The following CA4 variants were observed in gnomAD, a reference collection of about 807,000 sequenced individuals.
CA4 encodes carbonic anhydrase 4, also known as CA-IV.
In CA4, 24 loss-of-function variants were observed where a neutral mutation model predicts 34.5. The observed-to-expected ratio is 0.70, with a 90% CI of 0.50 to 0.98. The LOEUF is 0.98. Among genes scored for constraint, CA4 ranks in the 50% least tolerant of loss-of-function variants. The pLI is 0.00. For missense variants in CA4, 394 were observed against 396.7 expected (o/e 0.99, Z 0.06); for synonymous variants, 178 against 170.6 (o/e 1.04, Z -0.34).
At chr17:60,151,709 ATG>A (rs1270687352) in intron 1 of CA4, among the ~76,000 whole-genome samples, 1 of 152,152 alleles carries the variant, frequency 6.6e-6, no homozygotes, top group African/African-American at 2.4e-5. Flanking sequence ...AGTGTCAGGA[ATG>A]TGTCTCAGCT....
At chr17:60,158,578 C>A (rs552988459) in intron 7 of CA4, 132 bp downstream of exon 7, 16 of 864,770 alleles carry the variant, frequency 1.9e-5, no homozygotes, top group Non-Finnish European at 2.7e-5. Context: ...TGTTAATCAT[C>A]GACATTCACT....
chr17:60,178,636 T>G, the CA4 span, among the ~76,000 whole-genome samples: 1 of 152,104 alleles, frequency 6.6e-6, no homozygotes, highest in African/African-American at 2.4e-5. Flanking sequence ...CTGCCACCAA[T>G]GACTGGTTGT....
chr17:60,158,622 C>T, intron 7 of CA4, 176 bp downstream of exon 7: 2 of 662,062 alleles, frequency 3.0e-6, no homozygotes, highest in East Asian at 5.5e-5. Flanking sequence ...GCTGTTCCAT[C>T]ACCAGATTGG....
intron 5 of CA4, among the ~76,000 whole-genome samples, chr17:60,169,724 C>T (rs1341391669): frequency 1.3e-5 from 2 of 152,108 alleles, no homozygotes; most frequent in East Asian, 1.9e-4. Flanking sequence ...CTCCTGACCT[C>T]GTGATCCACC....
downstream of CA4, among the ~76,000 whole-genome samples, chr17:60,173,685 A>G (rs1257198315): frequency 2.0e-5 from 3 of 152,230 alleles, no homozygotes; most frequent in Non-Finnish European, 2.9e-5. Context: ...AGTGGTTTCC[A>G]TAAATGACCA....
rs201580764 is a variant in CA4 at position 60,159,408 on chromosome 17, C to T, written c.923C>T (p.Ala308Val). 6.2e-7 allele frequency: 1 copy of T among 1,612,022 alleles called. No individual in the cohort carries two copies. ...GGCCCCATGCTGGCCTGCCTGCTGGCCGGCTTCCTGCGATGATGGCTCACT... is the reference window on the plus strand; with the variant it reads ...GGCCCCATGCTGGCCTGCCTGCTGGTCGGCTTCCTGCGATGATGGCTCACT... ...LLGPMLACLL[A>V]GFLR Residue 308 changes from alanine (A) to valine (V), a missense_variant, in exon 8 of 8, where the codon GCC becomes GTC. Coordinates refer to ENST00000300900, the MANE Select transcript of CA4 (RefSeq NM_000717.5).
chr17:60,158,995 C>A, intron 7 of CA4: 1 of 582,372 alleles, frequency 1.7e-6, no homozygotes, highest in Non-Finnish European at 3.1e-6. Flanking sequence ...GCATTGCGGG[C>A]CCCCTGGGGT....
chr17:60,177,270 T>C, the CA4 span, among the ~76,000 whole-genome samples: 3 of 152,354 alleles, frequency 2.0e-5, no homozygotes, highest in African/African-American at 7.2e-5. Flanking sequence ...GTATACTAGT[T>C]ACAGATAAAC....
chr17:60,169,873 T>C (rs1444383608), intron 5 of CA4, among the ~76,000 whole-genome samples: 6 of 152,248 alleles, frequency 3.9e-5, no homozygotes. Flanking sequence ...AAATTAGGCC[T>C]GACTGGTTTC....
At chr17:60,175,604 G>A (rs1440746541), downstream of CA4, among the ~76,000 whole-genome samples, 1 of 139,552 alleles carries the variant, frequency 7.2e-6, no homozygotes, top group South Asian at 2.5e-4. Flanking sequence ...AGGAGTTGGA[G>A]TTTGCAGTGA....
In CA4 at chr17:60,157,436, T is replaced by A; in HGVS notation, c.278T>A (p.Leu93Ter). Residue 93 changes from leucine to a stop codon, truncating the protein, a stop_gained, in exon 4 of 8, where the codon TTG becomes TAG. Transcript: ENST00000300900. LOFTEE classifies it high-confidence loss of function. Reference protein sequence around the residue: ...VQNNGHSVMMLLENKASISGG... With the variant: ...VQNNGHSVMM ...CCTTCTGTGCTCCCAGTGATGATGT[T>A]GCTGGAGAACAAGGCCAGCATTTCT... The A allele has an allele frequency of 6.2e-7, 1 of 1,614,228 alleles. No homozygotes were observed. Among genetic ancestry groups the A allele is most frequent in the Non-Finnish European group, 8.5e-7 (1 of 1,180,036 alleles).
In CA4 at chr17:60,165,645, T is replaced by TCTGGCTCTGTCC. The variant is rs746706714; in HGVS notation, c.*179-4896_*179-4885dup. 2.2e-3 allele frequency among the ~76,000 whole-genome samples: 338 copies of TCTGGCTCTGTCC among 152,202 alleles called. 1 individual carries two copies. The highest frequency in any genetic ancestry group is 3.8e-3 in the Non-Finnish European group (260 of 68,018). ...TTACACACATGTCCATCTCTCTGCTTCTGGCTCTGTCCCTGGCTCTGCCTC... is the reference window on the plus strand; with the variant it reads ...TTACACACATGTCCATCTCTCTGCTTCTGGCTCTGTCCCTGGCTCTGTCCCTGGCTCTGCCTC... On this transcript the variant is annotated intron_variant and NMD_transcript_variant, in intron 5 of 5. Transcript: ENST00000586876.
downstream of CA4, among the ~76,000 whole-genome samples, chr17:60,172,519 CAG>C (rs957205250): frequency 1.3e-5 from 2 of 152,148 alleles, no homozygotes; most frequent in South Asian, 4.1e-4. Context: ...TTACAGCAAA[CAG>C]AACTTATGTT....
chr17:60,163,024 G>A (rs1265616403), downstream of CA4, among the ~76,000 whole-genome samples: 1 of 152,162 alleles, frequency 6.6e-6, no homozygotes, highest in Non-Finnish European at 1.5e-5. Context: ...TGGGAGCCAG[G>A]GGCTAAAAAT....
chr17:60,151,477 G>A (rs1186070946), intron 1 of CA4: 1 of 152,242 alleles, frequency 6.6e-6, no homozygotes, highest in Non-Finnish European at 1.5e-5. Flanking sequence ...CAGCTAGAAA[G>A]TAGAAAGAGA....
At chr17:60,164,182 CTT>C (rs999891411), downstream of CA4, among the ~76,000 whole-genome samples, 5 of 126,104 alleles carry the variant, frequency 4.0e-5, no homozygotes, top group Admixed American at 3.3e-4. Flanking sequence ...CTCTCTCTCT[CTT>C]TCTCTTTTTC....
intron 5 of CA4, among the ~76,000 whole-genome samples, chr17:60,164,687 G>T (rs571198556): frequency 6.6e-6 from 1 of 152,088 alleles, no homozygotes; most frequent in South Asian, 2.1e-4. Flanking sequence ...CACCATGCCC[G>T]GCCTTAATCT....
At chr17:60,161,434 G>A (rs749456792), downstream of CA4, among the ~76,000 whole-genome samples, 6 of 152,236 alleles carry the variant, frequency 3.9e-5, no homozygotes, top group South Asian at 2.1e-4. Context: ...TCCCTGGCTG[G>A]GTGAGGACCC....
chr17:60,159,195 C>G (rs546924276), intron 7 of CA4, 35 bp from the exon 8 acceptor site: 3 of 1,563,402 alleles, frequency 1.9e-6, no homozygotes, highest in East Asian at 4.8e-5. Flanking sequence ...GCAGCTCCCC[C>G]TGCCCCGACC....
Sources: allele counts gnomAD v4.1 joint callset (sites outside exome capture counted in the v4.1 genomes callset), GRCh38; gene constraint gnomAD v4.1.1; transcripts MANE v1.5; gene names NCBI Gene and HGNC (gene_info 2026-07-23, HGNC 2026-07-21).